Variants in EPHA3 observed in about 807,000 individuals in gnomAD.
EPHA3 encodes EPH receptor A3.
EPHA3 carries 42 observed loss-of-function variants against 107.1 expected under a neutral mutation model. That is an observed-to-expected ratio of 0.39 (90% CI 0.31 to 0.51). The LOEUF (loss-of-function observed/expected upper bound fraction) is 0.51, where lower values mean the gene tolerates loss of function less well. EPHA3 is among the 20% of genes least tolerant of loss of function. The pLI is 0.78. For synonymous variants in EPHA3, 461 were observed against 424.8 expected (o/e 1.09, Z -1.05); for missense variants, 1,183 against 1,211.2 (o/e 0.98, Z 0.35).
intron 3 of EPHA3, among the ~76,000 whole-genome samples, chr3:89,219,688 G>GTGTTTTTTTTTTGTTT: frequency 2.9e-5 from 1 of 34,440 alleles, no homozygotes; most frequent in Admixed American, 4.0e-4. Context: ...ATTTGGCAAT[G>GTGTTTTTTTTTTGTTT]TTTTTTTTTT....
At chr3:89,321,836 A>T (rs1231144498) in intron 3 of EPHA3, among the ~76,000 whole-genome samples, 1 of 152,124 alleles carries the variant, frequency 6.6e-6, no homozygotes, top group Non-Finnish European at 1.5e-5. Flanking sequence ...AAATAGCATT[A>T]AGCTTCTTGA....
At chr3:89,192,567 C>T (rs1705745695) in intron 2 of EPHA3, among the ~76,000 whole-genome samples, 3 of 151,902 alleles carry the variant, frequency 2.0e-5, no homozygotes, top group Admixed American at 2.0e-4. Flanking sequence ...AATTAGTTCT[C>T]CAATAACCAG....
chr3:89,227,558 T>G (rs1003858323), intron 3 of EPHA3, among the ~76,000 whole-genome samples: 7 of 152,010 alleles, frequency 4.6e-5, no homozygotes, highest in Admixed American at 3.3e-4. Context: ...AGTCATGGTA[T>G]AAATGTAAAT....
Position 89,481,965 on chromosome 3 carries a change from A to G in EPHA3, c.*2463A>G, listed in dbSNP as rs1710627964. On this transcript the variant is annotated 3_prime_UTR_variant, in exon 17 of 17. Transcript: ENST00000336596. ...GCTAAATATCAATCAAGCCATGTAT[A>G]AATGTGATATGATTGGCAATATGTG... 1 of 225,958 alleles carries G rather than the reference A, an allele frequency of 4.4e-6. No homozygotes were observed. The highest frequency in any genetic ancestry group is 8.8e-6 in the Non-Finnish European group (1 of 113,150). The allele number at this position is 225,958 out of a possible 1,614,324, so 14.0% of individuals were successfully genotyped here.
At chr3:89,417,522 A>G (rs536973154) in intron 10 of EPHA3, among the ~76,000 whole-genome samples, 2 of 151,476 alleles carry the variant, frequency 1.3e-5, no homozygotes, top group Admixed American at 6.6e-5. Context: ...GGATAACCCT[A>G]TATGAGGAAA....
At chr3:89,471,834 T>C (rs932887218) in intron 15 of EPHA3, among the ~76,000 whole-genome samples, 2 of 152,172 alleles carry the variant, frequency 1.3e-5, no homozygotes, top group African/African-American at 4.8e-5. Context: ...AATAATGTGT[T>C]GCATATATAT....
At chr3:89,109,553 G>C (rs1459657764) in intron 1 of EPHA3, among the ~76,000 whole-genome samples, 1 of 151,764 alleles carries the variant, frequency 6.6e-6, no homozygotes, top group Admixed American at 6.6e-5. Context: ...CTGTTAGTCA[G>C]TATTTTTGTG....
Position 89,478,330 on chromosome 3 carries a change from C to A in EPHA3, c.2847-1067C>A, listed in dbSNP as rs1215736360. Among the ~76,000 whole-genome samples the A allele has an allele frequency of 7.2e-5, 11 of 152,176 alleles. 1 individual carries two copies. Among genetic ancestry groups the A allele is most frequent in the Admixed American group, 7.2e-4 (11 of 15,278 alleles). On this transcript the variant is annotated intron_variant, in intron 16 of 16. Transcript: ENST00000336596. ...GGCTGCACAGCAGCCTCCCCGAAAA[C>A]TTAAAGGCTAAAACAGCAAGAGGTT...
At chr3:89,291,193 A>G (rs560625581) in intron 3 of EPHA3, among the ~76,000 whole-genome samples, 5 of 152,146 alleles carry the variant, frequency 3.3e-5, no homozygotes, top group Non-Finnish European at 5.9e-5. Flanking sequence ...CTCTAATATC[A>G]TCATATATAT....
intron 11 of EPHA3, among the ~76,000 whole-genome samples, chr3:89,424,982 A>G (rs555445260): frequency 1.3e-5 from 2 of 151,510 alleles, no homozygotes; most frequent in South Asian, 4.1e-4. Flanking sequence ...CTGATTTTGA[A>G]GAAAGAAATT....
In EPHA3 at chr3:89,138,005, T is replaced by C. The variant is rs149477531; in HGVS notation, c.153+10732T>C. ...TAATAGGCTGTCCATGGGATTCTGA[T>C]GCTACTCAAGTTTGGGGATTGCTGT... On this transcript the variant is annotated intron_variant, in intron 2 of 16. Coordinates refer to ENST00000336596, the MANE Select transcript of EPHA3 (RefSeq NM_005233.6). Among the ~76,000 whole-genome samples, 1,366 of 151,970 alleles carry C rather than the reference T, an allele frequency of 9.0e-3. 11 individuals carry two copies. The highest frequency in any genetic ancestry group is 0.028 in the East Asian group (142 of 5,158).
chr3:89,397,122 C>G (rs574991578), intron 6 of EPHA3, among the ~76,000 whole-genome samples: 28 of 152,178 alleles, frequency 1.8e-4, no homozygotes, highest in African/African-American at 6.3e-4. Flanking sequence ...GTAGTTATTT[C>G]CTTGCTTGAA....
At chr3:89,342,873 A>ACACG (rs1329082974) in intron 5 of EPHA3, among the ~76,000 whole-genome samples, 1 of 151,198 alleles carries the variant, frequency 6.6e-6, no homozygotes, top group Non-Finnish European at 1.5e-5. Flanking sequence ...ACACACACAC[A>ACACG]CACACACACA....
chr3:89,466,698 G>A (rs1489770108), intron 15 of EPHA3, among the ~76,000 whole-genome samples: 4 of 132,914 alleles, frequency 3.0e-5, no homozygotes, highest in Non-Finnish European at 5.0e-5. Context: ...CTCGCGCACG[G>A]TGCGCACACA....
Position 89,472,567 on chromosome 3 carries a change from T to A in EPHA3, c.2794T>A (p.Phe932Ile). ...GVWTAHCKEI[F>I]TGVEYSSCDT... ...CTGGACAGCACACTGCAAGGAAATC[T>A]TCACGGGTGTGGAGTACAGTTCTTG... The change falls in exon 16 of 17, where the codon TTC becomes ATC. Residue 932 changes from phenylalanine to isoleucine, a missense_variant. By Grantham distance (21) the Phe-to-Ile change is conservative. Coordinates refer to ENST00000336596, the MANE Select transcript of EPHA3 (RefSeq NM_005233.6). 1 of 1,614,146 alleles carries A rather than the reference T, an allele frequency of 6.2e-7. No homozygotes were observed. The highest frequency in any genetic ancestry group is 8.5e-7 in the Non-Finnish European group (1 of 1,179,978).
chr3:89,310,714 C>T (rs1706744811), intron 3 of EPHA3, among the ~76,000 whole-genome samples: 1 of 151,778 alleles, frequency 6.6e-6, no homozygotes, highest in Non-Finnish European at 1.5e-5. Context: ...TAGAAGTAAA[C>T]TCCTAAAGGT....
Position 89,395,963 on chromosome 3 carries a change from TG to T in EPHA3, c.1431+6del, listed in dbSNP as rs1377040161. The T allele has an allele frequency of 2.5e-6, 4 of 1,613,530 alleles. No individual in the cohort carries two copies. In the African/African-American group the frequency reaches 5.3e-5, roughly 22 times the overall value. The stretch of plus-strand genomic sequence containing the variant: ...TACGAGGTCAAATACTATGAAAAGG[TG>T]GGGAAACAATGTTTAAGGGTTGGGC... On this transcript the variant is annotated splice_donor_region_variant and intron_variant, in intron 6 of 16. Transcript: ENST00000336596.
chr3:89,127,300 A>C, intron 2 of EPHA3, 27 bp downstream of exon 2: 1 of 1,562,968 alleles, frequency 6.4e-7, no homozygotes. Flanking sequence ...ATCACAAGGA[A>C]ACATTTTCTC....
At chr3:89,450,013 CTT>C (rs1709954865) in intron 14 of EPHA3, among the ~76,000 whole-genome samples, 162 bp from the exon 15 acceptor site, 1 of 152,052 alleles carries the variant, frequency 6.6e-6, no homozygotes, top group African/African-American at 2.4e-5. Context: ...TACATAACGT[CTT>C]ATTTATTTGA....
Sources: gnomAD v4.1 joint callset for allele counts (sites outside exome capture counted in the v4.1 genomes callset) on GRCh38, gnomAD v4.1.1 for gene constraint, MANE v1.5 for transcripts, NCBI Gene and HGNC (gene_info 2026-07-23, HGNC 2026-07-21) for gene names.